The following SBDS variants were observed in gnomAD, a reference collection of about 807,000 sequenced individuals.
SBDS encodes the protein SBDS ribosome maturation factor.
A neutral mutation model predicts 26.4 loss-of-function variants in SBDS; 20 were observed. The observed-to-expected ratio is 0.76, with a 90% CI of 0.53 to 1.10. The LOEUF (loss-of-function observed/expected upper bound fraction) is 1.10, where lower values mean the gene tolerates loss of function less well. Ranked by LOEUF, SBDS falls within the 50% of genes least tolerant of loss-of-function variation. The probability of loss-of-function intolerance (pLI) is 0.00; values close to 1 mark genes in which losing one functional copy is unlikely to be tolerated. For synonymous variants in SBDS, 95 were observed against 105.1 expected (o/e 0.90, Z 0.59); for missense variants, 241 against 302.0 (o/e 0.80, Z 1.50).
chr7:66,988,606 T>C (rs1792915808), intron 4 of SBDS, 107 bp from the exon 5 acceptor site: 13 of 1,300,124 alleles, frequency 1.0e-5, no homozygotes, highest in Non-Finnish European at 1.2e-5. Flanking sequence ...AGATCTCTAA[T>C]AATACCACAG....
In SBDS at chr7:66,994,300, A is replaced by G. The variant is rs376960114; in HGVS notation, c.170T>C (p.Phe57Ser). 3 of 1,613,968 alleles carry G rather than the reference A, an allele frequency of 1.9e-6. No homozygotes were observed. The African/African-American group carries it at 4.0e-5, about 22-fold the overall frequency. ...AACCTGACCTTTAGAAACATTTACA[A>G]ACACTGAGTGGGTCTGCAGAACTTC... ...LDEVLQTHSV[F>S]VNVSKGQVAK... Residue 57 changes from phenylalanine to serine, a missense_variant, in exon 2 of 5, where the codon TTT (phenylalanine) becomes TCT (serine). Coordinates refer to ENST00000246868, the MANE Select transcript of SBDS (RefSeq NM_016038.4).
At chr7:66,989,757 C>T (rs1234101172) in intron 4 of SBDS, among the ~76,000 whole-genome samples, 1 of 152,154 alleles carries the variant, frequency 6.6e-6, no homozygotes, top group Non-Finnish European at 1.5e-5. Flanking sequence ...ATACCCCAAA[C>T]AATGCTTTAT....
intron 2 of SBDS, among the ~76,000 whole-genome samples, chr7:66,993,876 C>A (rs1392079038): frequency 4.0e-5 from 6 of 151,206 alleles, no homozygotes; most frequent in Admixed American, 2.0e-4. Flanking sequence ...AAGACTCTGT[C>A]CCCCCACCCA....
chr7:66,992,169 C>G (rs1792989073), intron 3 of SBDS, among the ~76,000 whole-genome samples: 1 of 152,112 alleles, frequency 6.6e-6, no homozygotes, highest in South Asian at 2.1e-4. Context: ...GGCTATTATT[C>G]CGGCATAAAA....
intron 4 of SBDS, 34 bp downstream of exon 4, chr7:66,991,103 G>A: frequency 4.5e-6 from 7 of 1,548,644 alleles, no homozygotes; most frequent in Non-Finnish European, 5.3e-6. Flanking sequence ...CAATATTTAG[G>A]TAACATGAAG....
At chr7:66,991,752 G>GT (rs1584435828) in intron 3 of SBDS, among the ~76,000 whole-genome samples, 1 of 123,596 alleles carries the variant, frequency 8.1e-6, no homozygotes, top group Admixed American at 7.8e-5. Flanking sequence ...AAAGAGGGCG[G>GT]GGGGGGTGGG....
intron 3 of SBDS, among the ~76,000 whole-genome samples, chr7:66,992,209 C>T (rs1792989573): frequency 6.6e-6 from 1 of 152,002 alleles, no homozygotes; most frequent in African/African-American, 2.4e-5. Context: ...CAGGTTACAA[C>T]ATGTATGAAC....
At chr7:66,995,092 A>C in intron 1 of SBDS, 198 bp downstream of exon 1, 1 of 716,122 alleles carries the variant, frequency 1.4e-6, no homozygotes, top group South Asian at 1.8e-5. Context: ...CCCAATCCGA[A>C]CCAACCAAAT....
In SBDS at chr7:66,988,478, A is replaced by G; in HGVS notation, c.646T>C (p.Cys216Arg). ...ATTAGCTCATCAATTTCTCGGAAGC[A>G]GCCCGGGTCAATCAGACATACCTGA... ...LEIVCLIDPGCFREIDELIKK... is the reference protein window; with the variant it reads ...LEIVCLIDPGRFREIDELIKK... The change falls in exon 5 of 5, where the codon TGC (cysteine) becomes CGC (arginine). Residue 216 changes from cysteine (C) to arginine (R), a missense_variant. By Grantham distance (180) the Cys-to-Arg change is radical (BLOSUM62 -3). Coordinates refer to ENST00000246868, the MANE Select transcript of SBDS (RefSeq NM_016038.4). 1 of 1,613,840 alleles carries G rather than the reference A, an allele frequency of 6.2e-7. No homozygotes were observed. The highest frequency in any genetic ancestry group is 8.5e-7 in the Non-Finnish European group (1 of 1,180,002).
intron 1 of SBDS, chr7:66,995,033 T>C (rs1346977083): frequency 1.8e-6 from 1 of 563,476 alleles, no homozygotes; most frequent in Non-Finnish European, 3.2e-6. Context: ...ACGAGATTTC[T>C]TGGCTGCAGC....
chr7:66,990,244 C>G (rs1328768602), intron 4 of SBDS, among the ~76,000 whole-genome samples: 1 of 152,162 alleles, frequency 6.6e-6, no homozygotes, highest in African/African-American at 2.4e-5. Flanking sequence ...TCTCGAACTC[C>G]CGACCTCAGG....
chr7:66,992,285 C>T (rs554069217), intron 3 of SBDS, among the ~76,000 whole-genome samples: 3 of 151,616 alleles, frequency 2.0e-5, no homozygotes, highest in African/African-American at 4.9e-5. Context: ...AAGTCCATAA[C>T]GAGAGGAGAT....
Position 66,995,490 on chromosome 7 carries a change from G to A in SBDS, c.-73C>T. On this transcript the variant is annotated 5_prime_UTR_variant, in exon 1 of 5. Transcript: ENST00000246868. ...GCCGTCCAGCCTGAAGGCCACCAGCGCCTCGCGGTAACGACCGATCGGCGC... is the reference window on the plus strand; with the variant it reads ...GCCGTCCAGCCTGAAGGCCACCAGCACCTCGCGGTAACGACCGATCGGCGC... 1 of 1,607,594 alleles carries A rather than the reference G, an allele frequency of 6.2e-7. No homozygotes were observed. The highest frequency in any genetic ancestry group is 8.5e-7 in the Non-Finnish European group (1 of 1,176,458).
Position 66,993,373 on chromosome 7 carries a change from G to C in SBDS, c.303C>G (p.His101Gln). 1 of 1,614,048 alleles carries C rather than the reference G, an allele frequency of 6.2e-7. No individual in the cohort carries two copies. The highest frequency in any genetic ancestry group is 8.5e-7 in the Non-Finnish European group (1 of 1,179,998). ...CCCTAAACATCTGCTCCAGTTGTGT[G>C]TGTCTTTCTTTATCTGATACTTGAA... ...GEVQVSDKER[H>Q]TQLEQMFRDI... is the part of the protein sequence containing the mutation. Residue 101 changes from histidine to glutamine, a missense_variant, in exon 3 of 5, where the codon CAC becomes CAG. His to Gln is a conservative substitution (Grantham distance 24, BLOSUM62 0). Coordinates refer to ENST00000246868, the MANE Select transcript of SBDS (RefSeq NM_016038.4).
In SBDS at chr7:66,995,284, A is replaced by G. The variant is rs771259728; in HGVS notation, c.128+6T>C. 6.2e-7 allele frequency: 1 copy of G among 1,613,304 alleles called. No individual in the cohort carries two copies. Among genetic ancestry groups the G allele is most frequent in the East Asian group, 2.2e-5 (1 of 44,862 alleles). On this transcript the variant is annotated splice_donor_region_variant and intron_variant, in intron 1 of 4. Coordinates refer to ENST00000246868, the MANE Select transcript of SBDS (RefSeq NM_016038.4). ...AGGCCCAGGCCCGAGGGAGGGGGCT[A>G]CTCACACGCCGCTCCGCCAGCCGAC...
chr7:66,994,208 C>A lies in SBDS; in HGVS notation c.258+4G>T. On this transcript the variant is annotated splice_donor_region_variant and intron_variant, in intron 2 of 4. Coordinates refer to ENST00000246868, the MANE Select transcript of SBDS (RefSeq NM_016038.4). The stretch of plus-strand genomic sequence containing the variant: ...GGGTTAGCTATGCTGCAGCTGTTAC[C>A]CACCTGCTTACAGATTTCAGTTTGG... 1 of 1,613,854 alleles carries A rather than the reference C, an allele frequency of 6.2e-7. No individual in the cohort carries two copies. Among genetic ancestry groups the A allele is most frequent in the Non-Finnish European group, 8.5e-7 (1 of 1,179,890 alleles).
At chr7:66,994,733 T>G (rs1201131739) in intron 1 of SBDS, among the ~76,000 whole-genome samples, 1 of 152,202 alleles carries the variant, frequency 6.6e-6, no homozygotes, top group Non-Finnish European at 1.5e-5. Context: ...TCAAGTGAAC[T>G]GCCCGCATCG....
chr7:66,992,311 G>C (rs1199626193), intron 3 of SBDS, among the ~76,000 whole-genome samples: 1 of 152,076 alleles, frequency 6.6e-6, no homozygotes, highest in Non-Finnish European at 1.5e-5. Flanking sequence ...GTTGGGAGGG[G>C]CCTGTGGGGG....
intron 3 of SBDS, among the ~76,000 whole-genome samples, chr7:66,992,765 T>C (rs1202691407): frequency 6.6e-6 from 1 of 152,050 alleles, no homozygotes; most frequent in Non-Finnish European, 1.5e-5. Context: ...CCCAGCACTT[T>C]GGGAGGCCAA....
Sources: allele counts gnomAD v4.1 joint callset (sites outside exome capture counted in the v4.1 genomes callset), GRCh38; gene constraint gnomAD v4.1.1; transcripts MANE v1.5; gene names NCBI Gene and HGNC (gene_info 2026-07-23, HGNC 2026-07-21).